ZSWIM5: variants seen among roughly 807,000 people sequenced by gnomAD.
ZSWIM5 encodes zinc finger SWIM-type containing 5.
A neutral mutation model predicts 119.6 loss-of-function variants in ZSWIM5; 55 were observed. The observed-to-expected ratio is 0.46, with a 90% CI of 0.37 to 0.58. The LOEUF (loss-of-function observed/expected upper bound fraction) is 0.58, where lower values mean the gene tolerates loss of function less well. Among genes scored for constraint, ZSWIM5 ranks in the 20% least tolerant of loss-of-function variants. The pLI, the probability that ZSWIM5 is intolerant of heterozygous loss-of-function variation, is 0.00. For synonymous variants in ZSWIM5, 537 were observed against 606.9 expected (o/e 0.88, Z 1.69); for missense variants, 1,193 against 1,512.8 (o/e 0.79, Z 3.51).
chr1:45,059,702 GA>G (rs1045109787), intron 3 of ZSWIM5, among the ~76,000 whole-genome samples: 1 of 151,728 alleles, frequency 6.6e-6, no homozygotes, highest in Admixed American at 6.6e-5. Flanking sequence ...GTATTAAGGG[GA>G]AAAAAAAGAA....
At chr1:45,034,058 T>C (rs1388296008) in intron 11 of ZSWIM5, among the ~76,000 whole-genome samples, 1 of 152,210 alleles carries the variant, frequency 6.6e-6, no homozygotes, top group Non-Finnish European at 1.5e-5. Flanking sequence ...TTTCACCATG[T>C]TGGCCAGGAT....
chr1:45,115,265 C>T (rs1166882291), intron 1 of ZSWIM5, among the ~76,000 whole-genome samples: 1 of 150,664 alleles, frequency 6.6e-6, no homozygotes, highest in Non-Finnish European at 1.5e-5. Context: ...GGCTGCCGGG[C>T]GGGGGCGGGG....
At chr1:45,169,137 C>T (rs116719431) in intron 1 of ZSWIM5, among the ~76,000 whole-genome samples, 3 of 152,016 alleles carry the variant, frequency 2.0e-5, no homozygotes, top group African/African-American at 4.8e-5. Flanking sequence ...TTCCTTTATA[C>T]GTTCTTTTAC....
At chr1:45,185,567 C>T (rs1323397754) in intron 1 of ZSWIM5, among the ~76,000 whole-genome samples, 1 of 152,052 alleles carries the variant, frequency 6.6e-6, no homozygotes, top group Non-Finnish European at 1.5e-5. Context: ...AAAAAACAAA[C>T]AACCCCATCA....
chr1:45,047,110 G>A (rs933938278), intron 5 of ZSWIM5, among the ~76,000 whole-genome samples: 5 of 151,760 alleles, frequency 3.3e-5, no homozygotes, highest in African/African-American at 1.2e-4. Context: ...GGTAGAGACA[G>A]TAAAGACACT....
intron 1 of ZSWIM5, among the ~76,000 whole-genome samples, chr1:45,189,521 C>A (rs920461573): frequency 2.6e-5 from 4 of 151,184 alleles, no homozygotes; most frequent in Non-Finnish European, 3.0e-5. Context: ...TTTGGGAGGC[C>A]GAGGTAGGTG....
At chr1:45,115,212 T>C (rs1226836) in intron 1 of ZSWIM5, among the ~76,000 whole-genome samples, 49,135 of 133,992 alleles carry the variant, frequency 0.37, 8,898 homozygotes, top group African/African-American at 0.53. Flanking sequence ...ACTTCCCAGA[T>C]GGGGCAGCCA....
intron 11 of ZSWIM5, among the ~76,000 whole-genome samples, chr1:45,029,691 C>T (rs111941351): frequency 2.0e-5 from 3 of 152,140 alleles, no homozygotes; most frequent in East Asian, 1.9e-4. Flanking sequence ...CAAAATCATA[C>T]GATCTTTATC....
chr1:45,195,926 G>A (rs1646119484), intron 1 of ZSWIM5, among the ~76,000 whole-genome samples: 1 of 148,428 alleles, frequency 6.7e-6, no homozygotes, highest in African/African-American at 2.5e-5. Context: ...GGAGAGCAGT[G>A]ACGCCATCAT....
intron 1 of ZSWIM5, among the ~76,000 whole-genome samples, chr1:45,192,469 G>A (rs1646098466): frequency 1.3e-5 from 2 of 152,050 alleles, no homozygotes; most frequent in Non-Finnish European, 2.9e-5. Context: ...TTCCTTTTCA[G>A]GGCTAAATAA....
intron 1 of ZSWIM5, among the ~76,000 whole-genome samples, chr1:45,143,008 C>CAA (rs754052253): frequency 0.011 from 1,220 of 114,316 alleles, 23 homozygotes; most frequent in African/African-American, 0.037. Context: ...CTGTCTCTAC[C>CAA]AAAAAAAAAA....
At chr1:45,125,083 G>A (rs1223911943) in intron 1 of ZSWIM5, among the ~76,000 whole-genome samples, 1 of 152,152 alleles carries the variant, frequency 6.6e-6, no homozygotes, top group Non-Finnish European at 1.5e-5. Context: ...CATCAACCAA[G>A]AGAATTCAAT....
chr1:45,098,674 AG>A (rs1426452246), intron 1 of ZSWIM5, among the ~76,000 whole-genome samples: 2 of 152,234 alleles, frequency 1.3e-5, no homozygotes, highest in African/African-American at 4.8e-5. Flanking sequence ...CAAATGTAAA[AG>A]AACAGAAATC....
At position 45,029,960 on chromosome 1, in the gene ZSWIM5, T is replaced by A. The variant is rs188868823; in HGVS notation, c.2449+4352A>T. On this transcript the variant is annotated intron_variant, in intron 11 of 13. Coordinates refer to ENST00000359600, the MANE Select transcript of ZSWIM5 (RefSeq NM_020883.2). ...TTCATTTTTTTTCGACCCACCTACC[T>A]GTTTATGTTTTTAGAGATAGGGTCT... Among the ~76,000 whole-genome samples the A allele has an allele frequency of 1.7e-3, 264 of 152,236 alleles. 2 individuals are homozygous for A. Among genetic ancestry groups the A allele is most frequent in the African/African-American group, 5.9e-3 (244 of 41,538 alleles).
intron 1 of ZSWIM5, among the ~76,000 whole-genome samples, chr1:45,180,175 C>G (rs538859430): frequency 3.3e-5 from 5 of 152,292 alleles, no homozygotes; most frequent in African/African-American, 1.2e-4. Context: ...GTTCCCTTTC[C>G]TGGTCAAGGA....
At chr1:45,163,854 T>C (rs780361797) in intron 1 of ZSWIM5, among the ~76,000 whole-genome samples, 4 of 152,178 alleles carry the variant, frequency 2.6e-5, no homozygotes, top group Non-Finnish European at 4.4e-5. Flanking sequence ...TTGGCGTACC[T>C]GAAAGTGACA....
At chr1:45,106,388 C>G (rs1645478504) in intron 1 of ZSWIM5, among the ~76,000 whole-genome samples, 1 of 143,550 alleles carries the variant, frequency 7.0e-6, no homozygotes, top group Non-Finnish European at 1.5e-5. Flanking sequence ...GCCACCCCAT[C>G]TGGGAAGTGA....
At chr1:45,205,251 A>G (rs1036975615) in intron 1 of ZSWIM5, among the ~76,000 whole-genome samples, 3 of 152,064 alleles carry the variant, frequency 2.0e-5, no homozygotes, top group Non-Finnish European at 4.4e-5. Flanking sequence ...CCTAACGCAG[A>G]CAATTAAAAC....
At chr1:45,174,428 AAAGTTCATTC>A (rs1645964004) in intron 1 of ZSWIM5, among the ~76,000 whole-genome samples, 1 of 152,000 alleles carries the variant, frequency 6.6e-6, no homozygotes. Context: ...ACTATTAATC[AAAGTTCATTC>A]AAGTTCATTA....
Sources: gnomAD v4.1 joint callset for allele counts (sites outside exome capture counted in the v4.1 genomes callset) on GRCh38, gnomAD v4.1.1 for gene constraint, MANE v1.5 for transcripts, NCBI Gene and HGNC (gene_info 2026-07-23, HGNC 2026-07-21) for gene names.